CFAP57: variants seen among roughly 807,000 people sequenced by gnomAD.
CFAP57 encodes cilia and flagella associated protein 57.
A neutral mutation model predicts 146.8 loss-of-function variants in CFAP57; 116 were observed. The ratio of observed to expected loss-of-function variants is 0.79; its 90% CI spans 0.68 to 0.92. The LOEUF (loss-of-function observed/expected upper bound fraction) is 0.92, where lower values mean the gene tolerates loss of function less well. Ranked by LOEUF, CFAP57 falls within the 40% of genes least tolerant of loss-of-function variation. The probability of loss-of-function intolerance (pLI) is 0.00; values close to 1 mark genes in which losing one functional copy is unlikely to be tolerated. For synonymous variants in CFAP57, 518 were observed against 552.8 expected, an observed-to-expected ratio of 0.94 and a Z score of 0.88; for missense variants, 1,377 against 1,527.2, an observed-to-expected ratio of 0.90 and a Z score of 1.64.
At position 43,208,434 on chromosome 1, in the gene CFAP57, C is replaced by T. The variant is rs554556975; in HGVS notation, c.1756-1309C>T. Among the ~76,000 whole-genome samples, 47 of 152,212 alleles carry T rather than the reference C, an allele frequency of 3.1e-4. No individual in the cohort carries two copies. The East Asian group carries it at 8.5e-3, about 27-fold the overall frequency. ...GATAGACTGGATTAAGAAAATGTGGCGCATATACACCATGGAATACTATGC... is the reference window on the plus strand; with the variant it reads ...GATAGACTGGATTAAGAAAATGTGGTGCATATACACCATGGAATACTATGC... On this transcript the variant is annotated intron_variant, in intron 10 of 22. Transcript: ENST00000372492.
At chr1:43,244,710 C>G (rs1646048240) in intron 22 of CFAP57, among the ~76,000 whole-genome samples, 1 of 151,810 alleles carries the variant, frequency 6.6e-6, no homozygotes. Context: ...CGAGACCATC[C>G]TGGCCAACAC....
intron 7 of CFAP57, 118 bp from the exon 8 acceptor site, chr1:43,198,362 AC>A: frequency 8.6e-7 from 1 of 1,158,776 alleles, no homozygotes; most frequent in South Asian, 1.3e-5. Context: ...AGAGGAACCA[AC>A]AATTGCAAAC....
intron 11 of CFAP57, chr1:43,211,460 A>T (rs1644606630): frequency 6.6e-6 from 1 of 151,802 alleles, no homozygotes; most frequent in Non-Finnish European, 1.5e-5. Context: ...CTGTAGTCCC[A>T]GCTACTCGGG....
Position 43,209,670 on chromosome 1 carries a change from G to A in CFAP57, c.1756-73G>A, listed in dbSNP as rs566119350. The A allele has an allele frequency of 2.5e-4, 363 of 1,444,206 alleles. 2 individuals carry two copies. The highest frequency in any genetic ancestry group is 1.0e-3 in the Admixed American group (56 of 54,850). 89.5% of individuals were successfully genotyped at this position (1,444,206 alleles called of 1,614,324 possible). On this transcript the variant is annotated intron_variant, in intron 10 of 22. Transcript: ENST00000372492. The stretch of plus-strand genomic sequence containing the variant: ...CTAGGGATCTGTTAGAGCAGAGGGC[G>A]AGAGAGTATGGCACTGGGACGTGGG...
rs57306841 is a variant in CFAP57 at position 43,194,489 on chromosome 1, A to T, written c.1123-3064A>T. On this transcript the variant is annotated intron_variant, in intron 6 of 22. Coordinates refer to ENST00000372492, the MANE Select transcript of CFAP57 (RefSeq NM_001378189.1). ...CTATATGTGTACACTGGTGTTTCCC[A>T]ATAAATTTATAATATTTTCAGCAAT... Among the ~76,000 whole-genome samples the T allele has an allele frequency of 2.8e-3, 423 of 152,240 alleles. 3 individuals are homozygous for T. Among genetic ancestry groups the T allele is most frequent in the African/African-American group, 9.6e-3 (400 of 41,548 alleles).
rs1003136685 is a variant in CFAP57 at position 43,172,396 on chromosome 1, C to A, written c.-77C>A. The A allele has an allele frequency of 6.4e-7, 1 of 1,551,308 alleles. No individual in the cohort carries two copies. The highest frequency in any genetic ancestry group is 1.4e-5 in the African/African-American group (1 of 72,920). The stretch of plus-strand genomic sequence containing the variant: ...GAAAGTGTCCGGGTTGCTTAGGATC[C>A]CTACAGGTAGCGCCTCTGGATACAT... On this transcript the variant is annotated 5_prime_UTR_variant, in exon 1 of 23. Transcript: ENST00000372492.
intron 22 of CFAP57, 91 bp downstream of exon 22, chr1:43,243,450 T>G: frequency 3.7e-6 from 5 of 1,357,478 alleles, no homozygotes; most frequent in Non-Finnish European, 3.9e-6. Flanking sequence ...TCCTTCTGTA[T>G]CAGGTCCCAT....
chr1:43,182,015 G>A (rs908416246), intron 3 of CFAP57, among the ~76,000 whole-genome samples, 165 bp downstream of exon 3: 1 of 152,182 alleles, frequency 6.6e-6, no homozygotes, highest in Non-Finnish European at 1.5e-5. Context: ...TTTTACAGAT[G>A]AGAGAACTGA....
chr1:43,175,786 G>A lies in CFAP57; in HGVS notation c.157+2876G>A, dbSNP rs766746807. Among the ~76,000 whole-genome samples the A allele has an allele frequency of 3.3e-4, 49 of 149,796 alleles. 1 individual carries two copies. Among genetic ancestry groups the A allele is most frequent in the Non-Finnish European group, 2.2e-4 (15 of 67,732 alleles). On this transcript the variant is annotated intron_variant, in intron 2 of 22. Transcript: ENST00000372492. ...CTCCCAAGTAGCTGGGATTACAGGT[G>A]CAAGCCACCACACCTGACGTTCATG...
intron 6 of CFAP57, among the ~76,000 whole-genome samples, chr1:43,191,662 A>AT (rs61706131): frequency 0.12 from 16,874 of 143,308 alleles, 1,356 homozygotes; most frequent in East Asian, 0.29. Context: ...TCCTCCCCCC[A>AT]TTTTTTTTTA....
At chr1:43,200,617 C>G (rs1393721106) in intron 9 of CFAP57, among the ~76,000 whole-genome samples, 1 of 152,076 alleles carries the variant, frequency 6.6e-6, no homozygotes, top group Non-Finnish European at 1.5e-5. Flanking sequence ...GGTAAGAAGT[C>G]AGCAGATGAA....
rs368671640 is a variant in CFAP57, at chr1:43,224,591, G to A, written c.2865+387G>A. On this transcript the variant is annotated intron_variant, in intron 17 of 22. Coordinates refer to ENST00000372492, the MANE Select transcript of CFAP57 (RefSeq NM_001378189.1). ...ATGGGCTGGGGACAGCTCACTTGCC[G>A]CACTGACCACATGGTCCCCCTGTCG... Among the ~76,000 whole-genome samples the A allele has an allele frequency of 2.3e-3, 354 of 152,310 alleles. 2 individuals carry two copies. Among genetic ancestry groups the A allele is most frequent in the African/African-American group, 8.0e-3 (334 of 41,558 alleles).
At chr1:43,213,566 A>T (rs750335294) in intron 11 of CFAP57, among the ~76,000 whole-genome samples, 3 of 151,836 alleles carry the variant, frequency 2.0e-5, no homozygotes, top group African/African-American at 7.3e-5. Context: ...TTAGAAAAGT[A>T]TCCAGTAATG....
At chr1:43,223,286 G>A (rs1645120822) in intron 16 of CFAP57, among the ~76,000 whole-genome samples, 1 of 152,210 alleles carries the variant, frequency 6.6e-6, no homozygotes, top group African/African-American at 2.4e-5. Context: ...CTGGCAAGTA[G>A]GATTCAGTTA....
In CFAP57 at chr1:43,206,805, C is replaced by T; in HGVS notation, c.1628C>T (p.Thr543Ile). Residue 543 changes from threonine to isoleucine, a missense_variant, in exon 10 of 23, where the codon ACA becomes ATA. Coordinates refer to ENST00000372492, the MANE Select transcript of CFAP57 (RefSeq NM_001378189.1). ...GCTGTGTATGAATGGAATCTGTCCA[C>T]AGGAAAGAGAGAGACAGAATGCGTG... Reference protein sequence around the residue: ...DGAVYEWNLSTGKRETECVLK... With the variant: ...DGAVYEWNLSIGKRETECVLK... The T allele has an allele frequency of 1.9e-6, 3 of 1,614,162 alleles. No individual in the cohort carries two copies. The highest frequency in any genetic ancestry group is 2.5e-6 in the Non-Finnish European group (3 of 1,180,038).
intron 18 of CFAP57, among the ~76,000 whole-genome samples, chr1:43,227,750 C>A (rs1160411040): frequency 6.7e-6 from 1 of 148,886 alleles, no homozygotes; most frequent in East Asian, 1.9e-4. Context: ...CGTGTGTTGC[C>A]CCATCAGCCT....
chr1:43,182,415 G>A (rs907633277), intron 3 of CFAP57, among the ~76,000 whole-genome samples: 4 of 152,164 alleles, frequency 2.6e-5, no homozygotes, highest in Non-Finnish European at 5.9e-5. Flanking sequence ...ACTCACCCTA[G>A]TCTAGGATCT....
chr1:43,241,267 C>T (rs773394772), intron 21 of CFAP57, among the ~76,000 whole-genome samples: 3 of 152,220 alleles, frequency 2.0e-5, no homozygotes, highest in Non-Finnish European at 2.9e-5. Flanking sequence ...TAGGCCCCAC[C>T]TCCAACACTG....
At chr1:43,220,802 TA>T (rs34574500) in intron 13 of CFAP57, among the ~76,000 whole-genome samples, 128,978 of 148,744 alleles carry the variant, frequency 0.87, 56,546 homozygotes, top group East Asian at 1. Flanking sequence ...AAAGTTCGGC[TA>T]AAAAAAAAAA....
Sources: allele counts gnomAD v4.1 joint callset (sites outside exome capture counted in the v4.1 genomes callset), GRCh38; gene constraint gnomAD v4.1.1; transcripts MANE v1.5; gene names NCBI Gene and HGNC (gene_info 2026-07-23, HGNC 2026-07-21).